The following SAMD4A variants were observed in gnomAD, a reference collection of about 807,000 sequenced individuals.
SAMD4A encodes the protein sterile alpha motif domain containing 4A, also known as protein Smaug homolog 1.
Under a neutral mutation model 81.3 loss-of-function variants are expected in SAMD4A, and 33 were observed. The ratio of observed to expected loss-of-function variants is 0.41; its 90% CI spans 0.31 to 0.54. The LOEUF is 0.54. SAMD4A is among the 20% of genes least tolerant of loss of function. The pLI is 0.37. For synonymous variants in SAMD4A, 389 were observed against 382.1 expected (o/e 1.02, Z -0.21); for missense variants, 854 against 951.1 (o/e 0.90, Z 1.34).
At chr14:54,615,079 C>T (rs568518727) in intron 2 of SAMD4A, among the ~76,000 whole-genome samples, 2 of 152,292 alleles carry the variant, frequency 1.3e-5, no homozygotes, top group South Asian at 4.2e-4. Flanking sequence ...GGCACCTTCT[C>T]TTGGCTTCTG....
chr14:54,776,594 GC>G, intron 11 of SAMD4A, 54 bp downstream of exon 11: 1 of 1,454,338 alleles, frequency 6.9e-7, no homozygotes. Flanking sequence ...CAAAATAGAT[GC>G]CCTAGCAAAC....
chr14:54,742,342 G>T (rs75028898), intron 4 of SAMD4A, among the ~76,000 whole-genome samples: 19 of 151,064 alleles, frequency 1.3e-4, no homozygotes, highest in Admixed American at 7.2e-4. Context: ...GAAATAGAAT[G>T]GGGGGGGCAG....
At chr14:54,689,078 C>A (rs1408026354) in intron 2 of SAMD4A, among the ~76,000 whole-genome samples, 1 of 151,908 alleles carries the variant, frequency 6.6e-6, no homozygotes, top group African/African-American at 2.4e-5. Flanking sequence ...ATTAAAGGCG[C>A]CCGCCACCAT....
intron 11 of SAMD4A, among the ~76,000 whole-genome samples, chr14:54,779,641 C>T (rs2038949611): frequency 2.0e-5 from 3 of 151,434 alleles, no homozygotes. Flanking sequence ...GGAGGCCCCT[C>T]AGGAGTGGTG....
chr14:54,584,442 G>A (rs1480884959), intron 2 of SAMD4A, among the ~76,000 whole-genome samples: 1 of 152,098 alleles, frequency 6.6e-6, no homozygotes, highest in Non-Finnish European at 1.5e-5. Context: ...TAGATTTAGG[G>A]ACAACTGTTC....
rs2039250912 is a variant in SAMD4A, at chr14:54,791,006, C to G, written c.*2062C>G. On this transcript the variant is annotated 3_prime_UTR_variant, in exon 13 of 13. Coordinates refer to ENST00000554335, the MANE Select transcript of SAMD4A (RefSeq NM_015589.6). ...TTAAAAAAAAAAGGTTCAGACCTCT[C>G]CTTGGGTGACTAAGTTCTAAAGATG... is the stretch of plus-strand genomic sequence containing the variant. The G allele has an allele frequency of 6.6e-6, 1 of 152,080 alleles. No homozygotes were observed. Among genetic ancestry groups the G allele is most frequent in the South Asian group, 2.1e-4 (1 of 4,824 alleles). The allele number at this position is 152,080 out of a possible 1,614,324, so 9.4% of individuals were successfully genotyped here. A position where few individuals can be genotyped will look rare whatever the true frequency, so the allele number is the denominator to read the frequency against.
intron 3 of SAMD4A, 87 bp from the exon 4 acceptor site, chr14:54,736,937 T>A (rs746625290): frequency 3.4e-6 from 5 of 1,454,644 alleles, no homozygotes; most frequent in Non-Finnish European, 4.7e-6. Flanking sequence ...TAGTGGTATC[T>A]CTCAGGGTTA....
At chr14:54,666,202 C>T (rs1161376569) in intron 2 of SAMD4A, among the ~76,000 whole-genome samples, 1 of 152,036 alleles carries the variant, frequency 6.6e-6, no homozygotes, top group Non-Finnish European at 1.5e-5. Context: ...AGAGAGGGCC[C>T]CAAGATCAGT....
At chr14:54,618,000 A>C (rs964208181) in intron 2 of SAMD4A, among the ~76,000 whole-genome samples, 1 of 152,234 alleles carries the variant, frequency 6.6e-6, no homozygotes, top group African/African-American at 2.4e-5. Context: ...TTGATCTTTA[A>C]GAAGCCATTC....
At chr14:54,749,195 T>G (rs1228078901) in intron 5 of SAMD4A, among the ~76,000 whole-genome samples, 1 of 152,176 alleles carries the variant, frequency 6.6e-6, no homozygotes, top group Non-Finnish European at 1.5e-5. Flanking sequence ...CTCGGCACAC[T>G]TGAAAGTTCC....
At chr14:54,573,380 A>G (rs1294196631) in intron 2 of SAMD4A, among the ~76,000 whole-genome samples, 2 of 152,208 alleles carry the variant, frequency 1.3e-5, no homozygotes, top group African/African-American at 2.4e-5. Flanking sequence ...AGGACACAAG[A>G]TGAGGGTTGA....
At chr14:54,767,615 CCAGAACT>C (rs1159786127) in intron 8 of SAMD4A, among the ~76,000 whole-genome samples, 2 of 152,216 alleles carry the variant, frequency 1.3e-5, no homozygotes, top group African/African-American at 4.8e-5. Flanking sequence ...CCTGAGAGGG[CCAGAACT>C]CTGGAGTGGT....
Position 54,672,015 on chromosome 14 carries a change from A to G in SAMD4A, c.197-30047A>G, listed in dbSNP as rs1478895431. 4.8e-4 allele frequency among the ~76,000 whole-genome samples: 47 copies of G among 97,542 alleles called. No individual in the cohort carries two copies. The Admixed American group carries it at 6.3e-3, about 13-fold the overall frequency. The allele number at this position is 97,542 out of a possible 152,430, so 64.0% of individuals were successfully genotyped here. ...CCATCTACTGCTTCCTTTTCTGTTT[A>G]TAGTGTTTTTTTTTTTTTTTTTTTC... is the stretch of plus-strand genomic sequence containing the variant. On this transcript the variant is annotated intron_variant, in intron 2 of 12. Coordinates refer to ENST00000554335, the MANE Select transcript of SAMD4A (RefSeq NM_015589.6).
At chr14:54,613,921 C>T (rs1320184572) in intron 2 of SAMD4A, among the ~76,000 whole-genome samples, 3 of 152,130 alleles carry the variant, frequency 2.0e-5, no homozygotes, top group South Asian at 4.1e-4. Flanking sequence ...CAAATTCACC[C>T]GTAAGATTTT....
At chr14:54,688,071 A>G in intron 2 of SAMD4A, 1 of 985,604 alleles carries the variant, frequency 1.0e-6, no homozygotes, top group African/African-American at 1.7e-5. Flanking sequence ...TTATGTGATC[A>G]TTCCATCAAC....
intron 3 of SAMD4A, among the ~76,000 whole-genome samples, chr14:54,732,455 GT>G (rs2037581471): frequency 6.6e-6 from 1 of 151,938 alleles, no homozygotes; most frequent in Non-Finnish European, 1.5e-5. Flanking sequence ...AAGGCTTCCA[GT>G]TCTAAAATGT....
chr14:54,626,913 A>G (rs896812528), intron 2 of SAMD4A, among the ~76,000 whole-genome samples: 1 of 152,206 alleles, frequency 6.6e-6, no homozygotes, highest in Non-Finnish European at 1.5e-5. Flanking sequence ...GAAGTTAAAT[A>G]GTTTGTCCGT....
intron 2 of SAMD4A, among the ~76,000 whole-genome samples, chr14:54,637,670 A>G (rs2035069124): frequency 6.6e-6 from 1 of 152,174 alleles, no homozygotes; most frequent in Non-Finnish European, 1.5e-5. Flanking sequence ...AGAAAAGGAA[A>G]GCATCTTCTT....
At chr14:54,589,302 A>C (rs2763567) in intron 2 of SAMD4A, among the ~76,000 whole-genome samples, 82,419 of 151,994 alleles carry the variant, frequency 0.54, 23,372 homozygotes, top group African/African-American at 0.72. Flanking sequence ...TTATTCAAAG[A>C]TGATAGTTCT....
Sources: gnomAD v4.1 joint callset for allele counts (sites outside exome capture counted in the v4.1 genomes callset) on GRCh38, gnomAD v4.1.1 for gene constraint, MANE v1.5 for transcripts, NCBI Gene and HGNC (gene_info 2026-07-23, HGNC 2026-07-21) for gene names.